BCO1: variants seen among roughly 807,000 people sequenced by gnomAD.
BCO1 encodes beta,beta-carotene 15,15'-dioxygenase.
A neutral mutation model predicts 56.3 loss-of-function variants in BCO1; 54 were observed. That is an observed-to-expected ratio of 0.96 (90% CI 0.77 to 1.20). BCO1 has a LOEUF of 1.20. Among genes scored for constraint, BCO1 ranks in the 50% most tolerant of loss-of-function variants. The pLI is 0.00. For missense variants in BCO1, 801 were observed against 690.9 expected (o/e 1.16, Z -1.79); for synonymous variants, 318 against 266.1 (o/e 1.20, Z -1.90).
intron 10 of BCO1, among the ~76,000 whole-genome samples, chr16:81,287,634 C>A (rs1229861321): frequency 6.6e-6 from 1 of 152,166 alleles, no homozygotes; most frequent in Non-Finnish European, 1.5e-5. Context: ...TAGCCTTCAG[C>A]TTCAATAATT....
At chr16:81,255,084 C>T (rs1906048224) in intron 2 of BCO1, among the ~76,000 whole-genome samples, 1 of 152,204 alleles carries the variant, frequency 6.6e-6, no homozygotes, top group Non-Finnish European at 1.5e-5. Context: ...CACCTGGCCC[C>T]AGGTCCTGTT....
chr16:81,273,012 C>G (rs1050863267), intron 7 of BCO1, among the ~76,000 whole-genome samples: 1 of 152,078 alleles, frequency 6.6e-6, no homozygotes, highest in Non-Finnish European at 1.5e-5. Flanking sequence ...TTGTGTCACC[C>G]AGGCTGGAGT....
chr16:81,256,107 C>T (rs1019964514), intron 2 of BCO1, among the ~76,000 whole-genome samples: 10 of 150,916 alleles, frequency 6.6e-5, no homozygotes, highest in African/African-American at 1.9e-4. Flanking sequence ...TGAGGCACTG[C>T]GCATGGCCGA....
chr16:81,275,476 G>C (rs1421754854), intron 7 of BCO1, among the ~76,000 whole-genome samples: 1 of 152,214 alleles, frequency 6.6e-6, no homozygotes, highest in Non-Finnish European at 1.5e-5. Context: ...TCCTCTAATG[G>C]CGCCTTGTAA....
At chr16:81,264,091 G>A (rs72833317) in intron 4 of BCO1, 46,361 of 173,764 alleles carry the variant, frequency 0.27, 6,982 homozygotes, top group East Asian at 0.5. Context: ...TCAGCTCGTT[G>A]ATCAAACTTC....
chr16:81,251,874 A>ATATGTGTGTGTG (rs138414050), intron 2 of BCO1, among the ~76,000 whole-genome samples: 1 of 146,694 alleles, frequency 6.8e-6, no homozygotes, highest in African/African-American at 2.6e-5. Flanking sequence ...ACACACATAT[A>ATATGTGTGTGTG]TGTGTGTGTG....
At chr16:81,249,089 T>TTTG (rs1905616439) in intron 2 of BCO1, among the ~76,000 whole-genome samples, 1 of 117,576 alleles carries the variant, frequency 8.5e-6, no homozygotes, top group African/African-American at 3.3e-5. Flanking sequence ...GGTCTCTTTC[T>TTTG]TTCTTTTTTT....
intron 1 of BCO1, among the ~76,000 whole-genome samples, chr16:81,240,332 C>G (rs2151922580): frequency 6.6e-6 from 1 of 152,132 alleles, no homozygotes; most frequent in African/African-American, 2.4e-5. Flanking sequence ...AACAGTTTTT[C>G]AAAAAGCAAA....
intron 2 of BCO1, among the ~76,000 whole-genome samples, chr16:81,258,986 C>T (rs1567704085): frequency 6.6e-6 from 1 of 152,048 alleles, no homozygotes; most frequent in East Asian, 1.9e-4. Context: ...CCAGATGTTG[C>T]ATGAACTAAT....
chr16:81,249,092 CTTT>C (rs546566864), intron 2 of BCO1, among the ~76,000 whole-genome samples: 2 of 133,446 alleles, frequency 1.5e-5, no homozygotes, highest in African/African-American at 2.8e-5. Flanking sequence ...CTCTTTCTTT[CTTT>C]TTTTTTTTTT....
At chr16:81,273,345 G>C (rs74031604) in intron 7 of BCO1, among the ~76,000 whole-genome samples, 28,215 of 152,030 alleles carry the variant, frequency 0.19, 3,207 homozygotes, top group Non-Finnish European at 0.24. Flanking sequence ...GTAGCCCTAA[G>C]TCCTAGGAAA....
intron 7 of BCO1, among the ~76,000 whole-genome samples, chr16:81,273,414 C>T (rs1907360484): frequency 6.6e-6 from 1 of 152,108 alleles, no homozygotes; most frequent in South Asian, 2.1e-4. Flanking sequence ...CCTACAGTGT[C>T]CAGGGAGCCT....
chr16:81,275,948 G>C (rs900807160), intron 7 of BCO1, among the ~76,000 whole-genome samples: 17 of 152,192 alleles, frequency 1.1e-4, no homozygotes, highest in Admixed American at 2.0e-4. Flanking sequence ...GGGCAGGGGT[G>C]GGTCATCTGG....
intron 2 of BCO1, among the ~76,000 whole-genome samples, chr16:81,252,828 G>A (rs973066406): frequency 6.6e-6 from 1 of 152,154 alleles, no homozygotes; most frequent in Non-Finnish European, 1.5e-5. Context: ...AGTGCATGCT[G>A]GGAGTCAATG....
Position 81,270,692 on chromosome 16 carries a change from C to CTGTGTGTGTGTGTGTGTG in BCO1, c.1101+287_1101+304dup, listed in dbSNP as rs58969930. On this transcript the variant is annotated intron_variant, in intron 7 of 10. Coordinates refer to ENST00000258168, the MANE Select transcript of BCO1 (RefSeq NM_017429.3). ...TGTCTCCCAGTCTCTCTCTCTGTGT[C>CTGTGTGTGTGTGTGTGTG]TGTGTGTGTGTGTGTGTGTGTGTGT... 9.9e-3 allele frequency among the ~76,000 whole-genome samples: 1,425 copies of CTGTGTGTGTGTGTGTGTG among 143,764 alleles called. 17 individuals carry two copies. Among genetic ancestry groups the CTGTGTGTGTGTGTGTGTG allele is most frequent in the Non-Finnish European group, 0.016 (1,054 of 65,808 alleles). 94.3% of individuals were successfully genotyped at this position (143,764 alleles called of 152,430 possible). A position where few individuals can be genotyped will look rare whatever the true frequency, so the allele number is the denominator to read the frequency against.
At chr16:81,251,392 C>G (rs891441110) in intron 2 of BCO1, among the ~76,000 whole-genome samples, 54 of 151,878 alleles carry the variant, frequency 3.6e-4, no homozygotes, top group African/African-American at 1.2e-3. Flanking sequence ...GACCTGGTAC[C>G]TACCAGAAAA....
chr16:81,270,315 C>G lies in BCO1; in HGVS notation c.1000C>G (p.Leu334Val), dbSNP rs773159889. 80 of 1,614,058 alleles carry G rather than the reference C, an allele frequency of 5.0e-5. No individual in the cohort carries two copies. Among genetic ancestry groups the G allele is most frequent in the Non-Finnish European group, 6.6e-5 (78 of 1,180,048 alleles). The stretch of plus-strand genomic sequence containing the variant: ...CTACGAGGACAACAGCCTCTACCAG[C>G]TCTTCTACCTGGCCAACCTGAACCA... ...IAYEDNSLYQ[L>V]FYLANLNQDF... Residue 334 changes from leucine (L) to valine (V), a missense_variant, in exon 7 of 11, where the codon CTC becomes GTC. Leu to Val is a conservative substitution (Grantham distance 32, BLOSUM62 1). Coordinates refer to ENST00000258168, the MANE Select transcript of BCO1 (RefSeq NM_017429.3).
rs916013510 is a variant in BCO1, at chr16:81,284,405, T to G, written c.1208-1135T>G. 4.6e-5 allele frequency among the ~76,000 whole-genome samples: 7 copies of G among 152,024 alleles called. No homozygotes were observed. The East Asian group carries it at 1.3e-3, about 29-fold the overall frequency. On this transcript the variant is annotated intron_variant, in intron 8 of 10. Coordinates refer to ENST00000258168, the MANE Select transcript of BCO1 (RefSeq NM_017429.3). ...AACTTAGATTCTATCATAGAAAATG[T>G]AAACTGTAAGGCAGTTAGAACCCCA...
chr16:81,274,101 G>T (rs562911142), intron 7 of BCO1, among the ~76,000 whole-genome samples: 1 of 152,096 alleles, frequency 6.6e-6, no homozygotes, highest in Non-Finnish European at 1.5e-5. Flanking sequence ...AAGGCACAAA[G>T]GTAGTAAGTC....
Sources: allele counts gnomAD v4.1 joint callset (sites outside exome capture counted in the v4.1 genomes callset), GRCh38; gene constraint gnomAD v4.1.1; transcripts MANE v1.5; gene names NCBI Gene and HGNC (gene_info 2026-07-23, HGNC 2026-07-21).